PPARGC1A: variants seen among roughly 807,000 people sequenced by gnomAD.
PPARGC1A encodes PPARG coactivator 1 alpha, also known as peroxisome proliferator-activated receptor gamma coactivator 1-alpha.
PPARGC1A carries 25 observed loss-of-function variants against 88.7 expected under a neutral mutation model. The ratio of observed to expected loss-of-function variants is 0.28; its 90% CI spans 0.21 to 0.39. The LOEUF is 0.39. PPARGC1A is among the 10% of genes least tolerant of loss of function. The pLI is 1.00. For missense variants in PPARGC1A, 880 were observed against 968.7 expected (o/e 0.91, Z 1.22); for synonymous variants, 363 against 355.6 (o/e 1.02, Z -0.24).
At chr4:23,926,553 A>C in the PPARGC1A span, among the ~76,000 whole-genome samples, 1 of 152,188 alleles carries the variant, frequency 6.6e-6, no homozygotes. Context: ...CATGGCAGGA[A>C]GGTCTTCTCT....
the PPARGC1A span, among the ~76,000 whole-genome samples, chr4:24,204,001 C>G: frequency 6.6e-6 from 1 of 152,174 alleles, no homozygotes; most frequent in African/African-American, 2.4e-5. Flanking sequence ...CTGAAACCAC[C>G]ATTGAGTCAA....
At chr4:24,226,158 C>A in the PPARGC1A span, among the ~76,000 whole-genome samples, 4 of 152,090 alleles carry the variant, frequency 2.6e-5, no homozygotes, top group Admixed American at 1.3e-4. Context: ...CACTAAATAC[C>A]AGTGACATGA....
At chr4:24,303,421 A>G in the PPARGC1A span, among the ~76,000 whole-genome samples, 1 of 152,190 alleles carries the variant, frequency 6.6e-6, no homozygotes, top group East Asian at 1.9e-4. Flanking sequence ...CTGTATAAAA[A>G]CAAAAAAGGA....
the PPARGC1A span, among the ~76,000 whole-genome samples, chr4:24,161,896 C>G: frequency 6.6e-6 from 1 of 151,198 alleles, no homozygotes; most frequent in African/African-American, 2.4e-5. Context: ...GCACAATTCA[C>G]AACTGCAAAA....
chr4:23,998,934 A>G, the PPARGC1A span, among the ~76,000 whole-genome samples: 1 of 152,250 alleles, frequency 6.6e-6, no homozygotes, highest in Non-Finnish European at 1.5e-5. Flanking sequence ...TACTGTGACT[A>G]AAATCAGAAA....
At chr4:24,196,957 C>T in the PPARGC1A span, among the ~76,000 whole-genome samples, 1 of 152,164 alleles carries the variant, frequency 6.6e-6, no homozygotes, top group African/African-American at 2.4e-5. Context: ...GCAGAAGAGA[C>T]AGTGTGTTTG....
At position 23,792,961 on chromosome 4, in the gene PPARGC1A, T is replaced by A. The variant is rs896208490; in HGVS notation, c.*2861A>T. ...GCTGGGGGTAGGGGGGATAAATTAA[T>A]CCTCAATATGATATCTGTAGTGCTG... On this transcript the variant is annotated 3_prime_UTR_variant, in exon 13 of 13. Coordinates refer to ENST00000264867, the MANE Select transcript of PPARGC1A (RefSeq NM_013261.5). The A allele has an allele frequency of 6.6e-6, 1 of 152,214 alleles. No homozygotes were observed. The highest frequency in any genetic ancestry group is 6.6e-5 in the Admixed American group (1 of 15,224). The allele number at this position is 152,214 out of a possible 1,614,324, so 9.4% of individuals were successfully genotyped here. A position where few individuals can be genotyped will look rare whatever the true frequency, so the allele number is the denominator to read the frequency against.
At chr4:24,423,492 C>A in the PPARGC1A span, among the ~76,000 whole-genome samples, 1 of 151,990 alleles carries the variant, frequency 6.6e-6, no homozygotes, top group Non-Finnish European at 1.5e-5. Context: ...TATTTGTAAT[C>A]CAGCTTGGTT....
chr4:24,089,500 C>CT, the PPARGC1A span, among the ~76,000 whole-genome samples: 16 of 94,254 alleles, frequency 1.7e-4, no homozygotes, highest in East Asian at 5.6e-4. Flanking sequence ...CTTTTCTTTT[C>CT]TTTTCTTTTC....
At chr4:23,963,744 T>A in the PPARGC1A span, among the ~76,000 whole-genome samples, 1 of 152,184 alleles carries the variant, frequency 6.6e-6, no homozygotes, top group Non-Finnish European at 1.5e-5. Context: ...AACCGCATAA[T>A]TGCTTTCATG....
chr4:24,143,905 C>T, the PPARGC1A span, among the ~76,000 whole-genome samples: 1 of 152,212 alleles, frequency 6.6e-6, no homozygotes, highest in South Asian at 2.1e-4. Context: ...AGTCTTACTC[C>T]AAGTTTGCTT....
At chr4:23,802,396 T>C (rs1169739352) in intron 10 of PPARGC1A, 51 bp from the exon 11 acceptor site, 1 of 1,610,764 alleles carries the variant, frequency 6.2e-7, no homozygotes, top group South Asian at 1.1e-5. Flanking sequence ...AAGCTAGCCC[T>C]CGGCCGGGCA....
chr4:24,461,362 C>T, the PPARGC1A span, among the ~76,000 whole-genome samples: 1 of 152,188 alleles, frequency 6.6e-6, no homozygotes, highest in Non-Finnish European at 1.5e-5. Context: ...AAAGACTCTG[C>T]CTCCTTTCAC....
chr4:24,000,947 C>T, the PPARGC1A span, among the ~76,000 whole-genome samples: 1 of 152,166 alleles, frequency 6.6e-6, no homozygotes, highest in African/African-American at 2.4e-5. Context: ...AGCTACTTAT[C>T]TTTCCTTTTC....
At chr4:24,024,346 T>C in the PPARGC1A span, among the ~76,000 whole-genome samples, 1 of 152,204 alleles carries the variant, frequency 6.6e-6, no homozygotes. Context: ...AAACCAGCTT[T>C]GGAATGCAAT....
chr4:24,219,917 C>A, the PPARGC1A span, among the ~76,000 whole-genome samples: 1 of 152,192 alleles, frequency 6.6e-6, no homozygotes, highest in Non-Finnish European at 1.5e-5. Context: ...AGTGATTTCT[C>A]TCTTTAGACA....
the PPARGC1A span, among the ~76,000 whole-genome samples, chr4:24,244,947 T>C: frequency 6.6e-6 from 1 of 151,966 alleles, no homozygotes; most frequent in East Asian, 1.9e-4. Flanking sequence ...GCTAACAGTG[T>C]CTAGAACTGG....
At chr4:23,925,889 A>T in the PPARGC1A span, among the ~76,000 whole-genome samples, 1 of 152,206 alleles carries the variant, frequency 6.6e-6, no homozygotes, top group Non-Finnish European at 1.5e-5. Flanking sequence ...CTTCTAGTCA[A>T]GGCAGTTCCC....
the PPARGC1A span, among the ~76,000 whole-genome samples, chr4:24,109,021 A>C: frequency 1.4e-4 from 19 of 132,550 alleles, no homozygotes; most frequent in African/African-American, 2.4e-4. Flanking sequence ...CACACACACC[A>C]CACACACACA....
Sources: allele counts gnomAD v4.1 joint callset (sites outside exome capture counted in the v4.1 genomes callset), GRCh38; gene constraint gnomAD v4.1.1; transcripts MANE v1.5; gene names NCBI Gene and HGNC (gene_info 2026-07-23, HGNC 2026-07-21).